SGCB: variants seen among roughly 807,000 people sequenced by gnomAD.
SGCB encodes the protein beta-sarcoglycan.
SGCB carries 25 observed loss-of-function variants against 27.3 expected under a neutral mutation model. The ratio of observed to expected loss-of-function variants is 0.92; its 90% CI spans 0.67 to 1.28. The LOEUF (loss-of-function observed/expected upper bound fraction) is 1.28, where lower values mean the gene tolerates loss of function less well. Ranked by LOEUF, SGCB falls within the 50% of genes most tolerant of loss-of-function variation. SGCB has a pLI of 0.00. For missense variants in SGCB, 436 were observed against 402.1 expected, an observed-to-expected ratio of 1.08 and a Z score of -0.72; for synonymous variants, 147 against 133.5, an observed-to-expected ratio of 1.10 and a Z score of -0.70.
intron 2 of SGCB, chr4:52,031,866 G>A (rs979017563): frequency 2.9e-5 from 13 of 454,556 alleles, no homozygotes; most frequent in East Asian, 7.0e-5. Flanking sequence ...CTTTTTCACC[G>A]GGACTTGCCA....
At chr4:52,037,259 T>G (rs1482416351) in intron 1 of SGCB, among the ~76,000 whole-genome samples, 1 of 152,220 alleles carries the variant, frequency 6.6e-6, no homozygotes, top group East Asian at 1.9e-4. Context: ...CTGCATGTAT[T>G]TGGCTGTATG....
intron 2 of SGCB, 77 bp downstream of exon 2, chr4:52,033,353 TA>T: frequency 1.1e-6 from 1 of 906,046 alleles, no homozygotes. Context: ...AAGGAGAAAA[TA>T]AAGTCTATGA....
chr4:52,023,916 C>G lies in SGCB; in HGVS notation c.*41G>C. ...CAATGATTTGCATGCATAAAAAAGT[C>G]AAGTCAAGATATAAACATGTTGGTG... On this transcript the variant is annotated 3_prime_UTR_variant, in exon 6 of 6. Transcript: ENST00000381431. 2.6e-6 allele frequency: 4 copies of G among 1,538,554 alleles called. No homozygotes were observed. Among genetic ancestry groups the G allele is most frequent in the East Asian group, 2.2e-5 (1 of 44,554 alleles).
Position 52,024,199 on chromosome 4 carries a change from GA to G in SGCB, c.754-40del, listed in dbSNP as rs1448706225. 8 of 1,498,980 alleles carry G rather than the reference GA, an allele frequency of 5.3e-6. No homozygotes were observed. The South Asian group carries it at 8.0e-5, about 15-fold the overall frequency. 92.9% of individuals were successfully genotyped at this position (1,498,980 alleles called of 1,614,324 possible). On this transcript the variant is annotated intron_variant, in intron 5 of 5. Transcript: ENST00000381431. Reference sequence around the variant, plus strand: ...AGTAATATGATTTATTTACCTCCATGAGGGGGTACAGAACAAAGTCAGTAAA... The same window carrying G: ...AGTAATATGATTTATTTACCTCCATGGGGGGTACAGAACAAAGTCAGTAAA...
At chr4:52,033,694 T>C (rs978299309) in intron 1 of SGCB, 54 bp from the exon 2 acceptor site, 1 of 1,383,492 alleles carries the variant, frequency 7.2e-7, no homozygotes, top group South Asian at 1.2e-5. Context: ...TTTTGGTGCA[T>C]TTATCTATTA....
At chr4:52,028,689 TA>T (rs1366862731) in intron 4 of SGCB, 40 bp downstream of exon 4, 1 of 1,372,584 alleles carries the variant, frequency 7.3e-7, no homozygotes, top group Non-Finnish European at 1.0e-6. Flanking sequence ...CTCTAGAGAA[TA>T]ATTCTCTCCC....
At chr4:52,031,406 A>ATGTGTG (rs57599198) in intron 2 of SGCB, among the ~76,000 whole-genome samples, 2,915 of 142,634 alleles carry the variant, frequency 0.02, 40 homozygotes, top group African/African-American at 0.038. Context: ...GTGTGTGTGT[A>ATGTGTG]TGTGTGTGTG....
At position 52,033,606 on chromosome 4, in the gene SGCB, C is replaced by T. The variant is rs746363403; in HGVS notation, c.68G>A (p.Arg23His). 7.4e-6 allele frequency: 12 copies of T among 1,613,854 alleles called. No homozygotes were observed. Among genetic ancestry groups the T allele is most frequent in the Middle Eastern group, 1.7e-4 (1 of 6,060 alleles). The change falls in exon 2 of 6, where the codon CGT (arginine) becomes CAT (histidine). Residue 23 changes from arginine (R) to histidine (H), a missense_variant. Coordinates refer to ENST00000381431, the MANE Select transcript of SGCB (RefSeq NM_000232.5). ...SSNGPVKKSM[R>H]EKAVERRSVN... ...ACTCCTTCTCTCAACAGCCTTCTCA[C>T]GCATGGACTTCTTTACAGGACCATT...
chr4:52,022,292 A>G lies in SGCB; in HGVS notation c.*1665T>C, dbSNP rs1198408586. ...TTTTCTACCAGAGAGAAATGTGACA[A>G]TATTGAATACAAATTGTTTTTTGTA... On this transcript the variant is annotated 3_prime_UTR_variant, in exon 6 of 6. Coordinates refer to ENST00000381431, the MANE Select transcript of SGCB (RefSeq NM_000232.5). The G allele has an allele frequency of 4.6e-5, 7 of 152,210 alleles. No individual in the cohort carries two copies. The highest frequency in any genetic ancestry group is 7.3e-5 in the Non-Finnish European group (5 of 68,030). 9.4% of individuals were successfully genotyped at this position (152,210 alleles called of 1,614,324 possible).
chr4:52,027,932 C>G, intron 5 of SGCB, 36 bp downstream of exon 5: 1 of 1,585,450 alleles, frequency 6.3e-7, no homozygotes, highest in Non-Finnish European at 8.7e-7. Flanking sequence ...ACCCAAGAAC[C>G]TAATAATTCT....
chr4:52,037,735 G>C lies in SGCB; in HGVS notation c.33+492C>G, dbSNP rs559865357. Among the ~76,000 whole-genome samples the C allele has an allele frequency of 3.9e-5, 6 of 152,266 alleles. No individual in the cohort carries two copies. In the South Asian group the frequency reaches 1.2e-3, roughly 32 times the overall value. Reference sequence around the variant, plus strand: ...TGACTAAATCTTCAAAAACCAAAGCGTGAGGGGAAATCTGGGATGTCTGCA... The same window carrying C: ...TGACTAAATCTTCAAAAACCAAAGCCTGAGGGGAAATCTGGGATGTCTGCA... On this transcript the variant is annotated intron_variant, in intron 1 of 5. Coordinates refer to ENST00000381431, the MANE Select transcript of SGCB (RefSeq NM_000232.5).
chr4:52,036,776 G>A (rs1026981459), intron 1 of SGCB, among the ~76,000 whole-genome samples: 1 of 152,186 alleles, frequency 6.6e-6, no homozygotes, highest in Non-Finnish European at 1.5e-5. Flanking sequence ...GGGGCTCACT[G>A]TTTAAATCTC....
intron 2 of SGCB, among the ~76,000 whole-genome samples, chr4:52,030,885 A>T (rs1299510051): frequency 6.6e-6 from 1 of 152,168 alleles, no homozygotes; most frequent in South Asian, 2.1e-4. Context: ...ACGTCTTTAT[A>T]ATGCTTCATA....
chr4:52,023,737 T>G lies in SGCB; in HGVS notation c.*220A>C. ...GATTTTATTTGCTTCTCATAATTAT[T>G]TTAGAGAACAGTAAATATGAAGATT... On this transcript the variant is annotated 3_prime_UTR_variant, in exon 6 of 6. Transcript: ENST00000381431. 1 of 510,708 alleles carries G rather than the reference T, an allele frequency of 2.0e-6. No homozygotes were observed. 31.6% of individuals were successfully genotyped at this position (510,708 alleles called of 1,614,324 possible).
chr4:52,036,995 T>C (rs946442512), intron 1 of SGCB, among the ~76,000 whole-genome samples: 1 of 152,202 alleles, frequency 6.6e-6, no homozygotes, highest in Non-Finnish European at 1.5e-5. Context: ...GGAGACGTAA[T>C]GCGTAAATTT....
chr4:52,032,184 T>A (rs752022245), intron 2 of SGCB, among the ~76,000 whole-genome samples: 9 of 152,198 alleles, frequency 5.9e-5, no homozygotes, highest in Non-Finnish European at 1.0e-4. Flanking sequence ...GGGATCTCAC[T>A]GCTTCTTATA....
chr4:52,029,993 A>G, intron 2 of SGCB, 130 bp from the exon 3 acceptor site: 1 of 712,702 alleles, frequency 1.4e-6, no homozygotes, highest in Non-Finnish European at 2.4e-6. Context: ...TAAATATATC[A>G]ATTAATTTTC....
chr4:52,033,538 G>C lies in SGCB; in HGVS notation c.136C>G (p.Pro46Ala), dbSNP rs1412423636. The C allele has an allele frequency of 6.2e-7, 1 of 1,613,558 alleles. No individual in the cohort carries two copies. Among genetic ancestry groups the C allele is most frequent in the South Asian group, 1.1e-5 (1 of 91,076 alleles). The change falls in exon 2 of 6, where the codon CCG becomes GCG. Residue 46 changes from proline to alanine, a missense_variant. Physicochemically the swap from Pro to Ala is conservative, Grantham distance 27 (BLOSUM62 -1). Coordinates refer to ENST00000381431, the MANE Select transcript of SGCB (RefSeq NM_000232.5). Reference protein sequence around the residue: ...HNSNFKAGYIPIDEDRLHKTG... With the variant: ...HNSNFKAGYIAIDEDRLHKTG... ...TTGTGGAGACGATCTTCATCAATCG[G>C]AATGTATCCAGCTTTAAAGTTACTG...
intron 5 of SGCB, among the ~76,000 whole-genome samples, chr4:52,025,250 G>A (rs928089741): frequency 2.0e-5 from 3 of 152,190 alleles, no homozygotes; most frequent in African/African-American, 7.2e-5. Context: ...AAGACATCAG[G>A]TGGGATAAAT....
Sources: gnomAD v4.1 joint callset for allele counts (sites outside exome capture counted in the v4.1 genomes callset) on GRCh38, gnomAD v4.1.1 for gene constraint, MANE v1.5 for transcripts, NCBI Gene and HGNC (gene_info 2026-07-23, HGNC 2026-07-21) for gene names.